The following STK32B variants were observed in gnomAD, a reference collection of about 807,000 sequenced individuals.
The protein encoded by STK32B is serine/threonine-protein kinase 32B.
A neutral mutation model predicts 52.6 loss-of-function variants in STK32B; 43 were observed. The ratio of observed to expected loss-of-function variants is 0.82; its 90% CI spans 0.64 to 1.05. The LOEUF (loss-of-function observed/expected upper bound fraction) is 1.05. Among genes scored for constraint, STK32B ranks in the 50% least tolerant of loss-of-function variants. The pLI, the probability that STK32B is intolerant of heterozygous loss-of-function variation, is 0.00. For missense variants in STK32B, 621 were observed against 534.6 expected, an observed-to-expected ratio of 1.16 and a Z score of -1.59; for synonymous variants, 238 against 204.3, an observed-to-expected ratio of 1.17 and a Z score of -1.41.
At chr4:5,412,306 T>C (rs1711761469) in intron 5 of STK32B, among the ~76,000 whole-genome samples, 1 of 152,224 alleles carries the variant, frequency 6.6e-6, no homozygotes, top group South Asian at 2.1e-4. Flanking sequence ...GAGAAGGAAC[T>C]CATAGGAAAT....
chr4:5,121,526 T>C (rs1201708465), intron 1 of STK32B, among the ~76,000 whole-genome samples: 3 of 152,170 alleles, frequency 2.0e-5, no homozygotes, highest in Non-Finnish European at 4.4e-5. Context: ...ATTATAATAA[T>C]ATTAATGAGA....
At chr4:5,125,047 C>T (rs76816321) in intron 1 of STK32B, among the ~76,000 whole-genome samples, 14,577 of 152,120 alleles carry the variant, frequency 0.096, 1,061 homozygotes, top group Admixed American at 0.24. Context: ...GTATACTAGA[C>T]AAGCCTCTAG....
intron 6 of STK32B, among the ~76,000 whole-genome samples, chr4:5,419,965 G>A (rs532694029): frequency 5.3e-5 from 8 of 152,286 alleles, no homozygotes; most frequent in African/African-American, 1.9e-4. Context: ...GTCAGGTACC[G>A]AGCTAAGTGC....
chr4:5,134,503 C>CAA (rs1715956087), intron 1 of STK32B, among the ~76,000 whole-genome samples: 2 of 152,054 alleles, frequency 1.3e-5, no homozygotes, highest in African/African-American at 4.8e-5. Flanking sequence ...TCTTAGCCTC[C>CAA]AGAACTGTGA....
intron 5 of STK32B, among the ~76,000 whole-genome samples, chr4:5,404,792 C>T (rs1049163899): frequency 5.3e-5 from 8 of 150,898 alleles, no homozygotes; most frequent in Non-Finnish European, 1.0e-4. Flanking sequence ...GGAATTTGGA[C>T]TTTGGTATGT....
intron 11 of STK32B, among the ~76,000 whole-genome samples, chr4:5,487,735 G>C (rs1719354901): frequency 6.6e-6 from 1 of 152,140 alleles, no homozygotes; most frequent in South Asian, 2.1e-4. Flanking sequence ...GAGGAGGGGA[G>C]GAGTCTTATT....
At chr4:5,269,860 C>T (rs1413606009) in intron 3 of STK32B, among the ~76,000 whole-genome samples, 1 of 151,752 alleles carries the variant, frequency 6.6e-6, no homozygotes, top group Admixed American at 6.6e-5. Flanking sequence ...GGAACAGATA[C>T]AAAAATTCTT....
At position 5,071,127 on chromosome 4, in the gene STK32B, C is replaced by T. The variant is rs527853806; in HGVS notation, c.52+19212C>T. Among the ~76,000 whole-genome samples, 7 of 152,212 alleles carry T rather than the reference C, an allele frequency of 4.6e-5. 1 individual carries two copies. In the South Asian group the frequency reaches 1.5e-3, roughly 32 times the overall value. On this transcript the variant is annotated intron_variant, in intron 1 of 11. Transcript: ENST00000282908. ...GCTCTATTAGTAGAAGACGAGGAGA[C>T]ACTTAATGGTTTTAATATGGGGAGT...
intron 3 of STK32B, among the ~76,000 whole-genome samples, chr4:5,261,043 G>C (rs182040554): frequency 8.5e-5 from 13 of 152,272 alleles, no homozygotes; most frequent in Admixed American, 8.5e-4. Flanking sequence ...GTTGGTCAAG[G>C]CGGCTCTTTA....
chr4:5,266,343 A>G (rs944861398), intron 3 of STK32B, among the ~76,000 whole-genome samples: 2 of 152,244 alleles, frequency 1.3e-5, no homozygotes, highest in Non-Finnish European at 2.9e-5. Context: ...ATGTGGGAGT[A>G]AAATAAACAG....
chr4:5,250,560 G>A (rs984980392), intron 3 of STK32B, among the ~76,000 whole-genome samples: 2 of 152,024 alleles, frequency 1.3e-5, no homozygotes, highest in South Asian at 2.1e-4. Flanking sequence ...TGATCCACCC[G>A]CCTCGGCCTC....
At chr4:5,087,035 G>T (rs942302167) in intron 1 of STK32B, among the ~76,000 whole-genome samples, 1 of 152,138 alleles carries the variant, frequency 6.6e-6, no homozygotes, top group African/African-American at 2.4e-5. Flanking sequence ...ATGGATAAAT[G>T]AGACACAGCA....
intron 4 of STK32B, among the ~76,000 whole-genome samples, chr4:5,370,197 A>G (rs1211147838): frequency 6.6e-6 from 1 of 152,168 alleles, no homozygotes; most frequent in Non-Finnish European, 1.5e-5. Context: ...ATTAAGCAGA[A>G]TTATATGGAG....
intron 4 of STK32B, among the ~76,000 whole-genome samples, chr4:5,368,288 A>G (rs534646990): frequency 6.6e-6 from 1 of 151,242 alleles, no homozygotes; most frequent in East Asian, 2.0e-4. Context: ...AGTTAGGTCT[A>G]CTATTATTCC....
intron 6 of STK32B, 92 bp from the exon 7 acceptor site, chr4:5,446,576 AAAAAC>A: frequency 8.9e-7 from 1 of 1,129,114 alleles, no homozygotes. Flanking sequence ...CAAAAAAAAA[AAAAAC>A]AAGCTCAATT....
chr4:5,186,074 A>G (rs553871867), intron 3 of STK32B, among the ~76,000 whole-genome samples: 2 of 152,240 alleles, frequency 1.3e-5, no homozygotes, highest in East Asian at 3.9e-4. Context: ...TTAAGTCGCT[A>G]TTCACTGGGC....
intron 6 of STK32B, among the ~76,000 whole-genome samples, chr4:5,427,329 T>C (rs980701097): frequency 6.7e-6 from 1 of 149,972 alleles, no homozygotes; most frequent in Non-Finnish European, 1.5e-5. Flanking sequence ...TCTAGGTTCT[T>C]GAGGAATTTT....
At chr4:5,215,023 G>T (rs1236977595) in intron 3 of STK32B, among the ~76,000 whole-genome samples, 2 of 152,138 alleles carry the variant, frequency 1.3e-5, no homozygotes, top group Non-Finnish European at 2.9e-5. Context: ...ACCGCACAAA[G>T]ACATTGGGAA....
chr4:5,025,972 T>G, the STK32B span, among the ~76,000 whole-genome samples: 5 of 152,298 alleles, frequency 3.3e-5, no homozygotes, highest in East Asian at 9.7e-4. Context: ...CAGGACACCA[T>G]GTCCCATGAC....
Sources: gnomAD v4.1 joint callset for allele counts (sites outside exome capture counted in the v4.1 genomes callset) on GRCh38, gnomAD v4.1.1 for gene constraint, MANE v1.5 for transcripts, NCBI Gene and HGNC (gene_info 2026-07-23, HGNC 2026-07-21) for gene names.